Variants in SAMD8 observed in about 807,000 individuals in gnomAD.
The protein encoded by SAMD8 is sterile alpha motif domain containing 8.
Under a neutral mutation model 42.0 loss-of-function variants are expected in SAMD8, and 20 were observed. The ratio of observed to expected loss-of-function variants is 0.48; its 90% CI spans 0.34 to 0.69. The LOEUF (loss-of-function observed/expected upper bound fraction) is 0.69. SAMD8 is among the 30% of genes least tolerant of loss of function. SAMD8 has a pLI of 0.01. For missense variants in SAMD8, 328 were observed against 511.6 expected (o/e 0.64, Z 3.46); for synonymous variants, 162 against 173.0 (o/e 0.94, Z 0.50).
intron 2 of SAMD8, among the ~76,000 whole-genome samples, chr10:75,159,708 G>A (rs1418905401): frequency 1.3e-5 from 2 of 152,148 alleles, no homozygotes; most frequent in Admixed American, 1.3e-4. Context: ...ATTTAGATTG[G>A]ACCTACACTG....
chr10:75,173,321 G>T (rs897205355), intron 4 of SAMD8, among the ~76,000 whole-genome samples: 3 of 152,174 alleles, frequency 2.0e-5, no homozygotes, highest in African/African-American at 4.8e-5. Context: ...GCTTGAAATT[G>T]CATTCCTGGA....
chr10:75,120,895 C>T (rs1165843794), intron 1 of SAMD8, among the ~76,000 whole-genome samples: 1 of 149,822 alleles, frequency 6.7e-6, no homozygotes, highest in Non-Finnish European at 1.5e-5. Flanking sequence ...ATTCTCTTGC[C>T]TCTGCCTCCC....
chr10:75,133,862 C>T (rs2134449640), intron 1 of SAMD8, among the ~76,000 whole-genome samples: 1 of 152,268 alleles, frequency 6.6e-6, no homozygotes, highest in East Asian at 1.9e-4. Flanking sequence ...TACAAAATTA[C>T]AGTTAGCTCC....
In SAMD8 at chr10:75,180,165, T is replaced by C. The variant is rs1841055934; in HGVS notation, c.*3473T>C. ...ACCTTTCGTGGCTGTGCTGCAAGAA[T>C]TCTTTATGTGGCTATCCTCTCCATA... On this transcript the variant is annotated 3_prime_UTR_variant, in exon 6 of 6. Transcript: ENST00000542569. 6.6e-6 allele frequency: 1 copy of C among 152,034 alleles called. No homozygotes were observed. The highest frequency in any genetic ancestry group is 1.5e-5 in the Non-Finnish European group (1 of 68,016). The allele number at this position is 152,034 out of a possible 1,614,324, so 9.4% of individuals were successfully genotyped here.
intron 1 of SAMD8, among the ~76,000 whole-genome samples, chr10:75,132,171 C>G (rs1004481556): frequency 2.6e-5 from 4 of 152,212 alleles, no homozygotes; most frequent in African/African-American, 9.6e-5. Context: ...CAGGTACTCT[C>G]TGCTCTGTGG....
intron 2 of SAMD8, among the ~76,000 whole-genome samples, chr10:75,160,873 G>GCCTGGGCAACATGGTGAAAC: frequency 6.6e-6 from 1 of 152,108 alleles, no homozygotes; most frequent in Non-Finnish European, 1.5e-5. Flanking sequence ...ATCTTCTTAA[G>GCCTGGGCAACATGGTGAAAC]CCTGGGCAAC....
In SAMD8 at chr10:75,102,592, G is replaced by C. The variant is rs1328760163; in HGVS notation, c.-16+2864G>C. ...GGAGGCTGAGGTGGGAGGATTGCTT[G>C]AGCCCAGGGGTTCAAGACCAGTCTA... On this transcript the variant is annotated intron_variant, in intron 1 of 3. Transcript: ENST00000447533. Among the ~76,000 whole-genome samples the C allele has an allele frequency of 3.9e-5, 6 of 152,188 alleles. No individual in the cohort carries two copies. The East Asian group carries it at 9.6e-4, about 24-fold the overall frequency.
chr10:75,108,928 A>G (rs1394111281), upstream of SAMD8: 2 of 1,503,072 alleles, frequency 1.3e-6, no homozygotes, highest in East Asian at 2.5e-5. Context: ...CCTTGTTTCC[A>G]CCCTCCTGTG....
chr10:75,153,576 C>T (rs1353130531), intron 2 of SAMD8, among the ~76,000 whole-genome samples: 22 of 150,754 alleles, frequency 1.5e-4, no homozygotes, highest in African/African-American at 5.1e-4. Context: ...ATCGCGCCAT[C>T]GCACTCCAGC....
chr10:75,160,089 A>G (rs1840521348), intron 2 of SAMD8, among the ~76,000 whole-genome samples: 1 of 152,248 alleles, frequency 6.6e-6, no homozygotes, highest in South Asian at 2.1e-4. Flanking sequence ...GAAAAACTGC[A>G]TCAATCTGGG....
At chr10:75,126,887 A>T (rs930832623) in intron 1 of SAMD8, among the ~76,000 whole-genome samples, 5 of 151,994 alleles carry the variant, frequency 3.3e-5, no homozygotes, top group Non-Finnish European at 5.9e-5. Context: ...CAAAATTGTG[A>T]TTCAAAAAGT....
At chr10:75,124,556 T>A (rs1849084713) in intron 1 of SAMD8, among the ~76,000 whole-genome samples, 1 of 146,634 alleles carries the variant, frequency 6.8e-6, no homozygotes, top group African/African-American at 2.5e-5. Flanking sequence ...GAGATTGCAG[T>A]GAGTTGAGAT....
intron 1 of SAMD8, among the ~76,000 whole-genome samples, chr10:75,103,175 T>A (rs1848283348): frequency 6.6e-6 from 1 of 152,188 alleles, no homozygotes; most frequent in Non-Finnish European, 1.5e-5. Flanking sequence ...TGGAAGGATG[T>A]TCTGTGGAGG....
At chr10:75,151,481 G>A (rs1487847950) in intron 2 of SAMD8, among the ~76,000 whole-genome samples, 1 of 151,648 alleles carries the variant, frequency 6.6e-6, no homozygotes, top group African/African-American at 2.4e-5. Context: ...AGCCTCCCAG[G>A]AAACTGGGAC....
intron 1 of SAMD8, among the ~76,000 whole-genome samples, chr10:75,126,185 G>A (rs1042178327): frequency 4.0e-5 from 6 of 151,626 alleles, no homozygotes; most frequent in African/African-American, 1.2e-4. Flanking sequence ...CTCCTTTAAC[G>A]CTTAGCTCAA....
At chr10:75,133,680 C>A (rs1849322992) in intron 1 of SAMD8, among the ~76,000 whole-genome samples, 1 of 152,130 alleles carries the variant, frequency 6.6e-6, no homozygotes, top group Non-Finnish European at 1.5e-5. Context: ...ATCTGGAGGA[C>A]ATTATATTAA....
chr10:75,131,734 G>A (rs35440616), intron 1 of SAMD8, among the ~76,000 whole-genome samples: 2 of 151,998 alleles, frequency 1.3e-5, no homozygotes, highest in Non-Finnish European at 2.9e-5. Context: ...TCATCCTTTA[G>A]CTCCAAGGAA....
chr10:75,175,929 T>C, intron 4 of SAMD8, 137 bp from the exon 5 acceptor site: 1 of 1,477,378 alleles, frequency 6.8e-7, no homozygotes, highest in African/African-American at 1.4e-5. Flanking sequence ...TGGAATTCAT[T>C]AGACTGAAGG....
intron 2 of SAMD8, among the ~76,000 whole-genome samples, chr10:75,157,217 C>A (rs1840431286): frequency 6.7e-6 from 1 of 148,530 alleles, no homozygotes; most frequent in South Asian, 2.1e-4. Context: ...AAGAATTAGG[C>A]AAAGAAATGA....
Sources: allele counts gnomAD v4.1 joint callset (sites outside exome capture counted in the v4.1 genomes callset), GRCh38; gene constraint gnomAD v4.1.1; transcripts MANE v1.5; gene names NCBI Gene and HGNC (gene_info 2026-07-23, HGNC 2026-07-21).